The following USO1 variants were observed in gnomAD, a reference collection of about 807,000 sequenced individuals.
USO1 encodes general vesicular transport factor p115.
USO1 carries 57 observed loss-of-function variants against 124.5 expected under a neutral mutation model. That is an observed-to-expected ratio of 0.46 (90% CI 0.37 to 0.57). The LOEUF is 0.57. USO1 is among the 20% of genes least tolerant of loss of function. The pLI is 0.00. For missense variants in USO1, 900 were observed against 1,040.6 expected, an observed-to-expected ratio of 0.86 and a Z score of 1.86; for synonymous variants, 369 against 362.8, an observed-to-expected ratio of 1.02 and a Z score of -0.19.
At chr4:75,808,914 A>G in intron 20 of USO1, 39 bp from the exon 21 acceptor site, 1 of 1,537,672 alleles carries the variant, frequency 6.5e-7, no homozygotes, top group South Asian at 1.3e-5. Flanking sequence ...TGAATTTAAT[A>G]CCATTTAATG....
intron 9 of USO1, among the ~76,000 whole-genome samples, chr4:75,785,081 T>C (rs972515306): frequency 6.6e-6 from 1 of 152,238 alleles, no homozygotes; most frequent in Non-Finnish European, 1.5e-5. Context: ...CTTCTGCTAT[T>C]CTGTTAGAAC....
chr4:75,813,132 G>T, intron 23 of USO1, 74 bp from the exon 24 acceptor site: 1 of 1,467,874 alleles, frequency 6.8e-7, no homozygotes, highest in Non-Finnish European at 9.0e-7. Context: ...AAAATTATCA[G>T]TAGTATATAT....
At chr4:75,726,392 G>A (rs1373777799) in intron 1 of USO1, among the ~76,000 whole-genome samples, 1 of 150,730 alleles carries the variant, frequency 6.6e-6, no homozygotes, top group Non-Finnish European at 1.5e-5. Flanking sequence ...TCACTTTATT[G>A]CTCATGCCTG....
At chr4:75,779,985 T>C (rs1032762944) in intron 8 of USO1, among the ~76,000 whole-genome samples, 3 of 152,188 alleles carry the variant, frequency 2.0e-5, no homozygotes, top group African/African-American at 4.8e-5. Flanking sequence ...AAGCCAGTGC[T>C]CACTTACCAT....
At chr4:75,790,101 T>C (rs1184592843) in intron 10 of USO1, 49 bp from the exon 11 acceptor site, 4 of 1,480,220 alleles carry the variant, frequency 2.7e-6, no homozygotes, top group Non-Finnish European at 2.7e-6. Flanking sequence ...ATATTTTCCT[T>C]CTTGACTTAA....
chr4:75,784,616 A>G (rs1228154682), intron 9 of USO1, among the ~76,000 whole-genome samples: 1 of 152,066 alleles, frequency 6.6e-6, no homozygotes, highest in Non-Finnish European at 1.5e-5. Flanking sequence ...TAGGAGTTTG[A>G]GACCAACCTA....
chr4:75,771,093 T>C lies in USO1; in HGVS notation c.511T>C (p.Leu171=). 1 of 1,611,894 alleles carries C rather than the reference T, an allele frequency of 6.2e-7. No homozygotes were observed. Among genetic ancestry groups the C allele is most frequent in the Non-Finnish European group, 8.5e-7 (1 of 1,179,298 alleles). ...GTTGTATGTTCTAGGTGTTTCAAGATTGATGGACTTACTAGCGGATTCCAG... is the reference window on the plus strand; with the variant it reads ...GTTGTATGTTCTAGGTGTTTCAAGACTGATGGACTTACTAGCGGATTCCAG... The part of the protein sequence containing the change: ...ILVSPMGVSR[L]MDLLADSREV... The change falls in exon 7 of 24, where the codon TTG becomes CTG. Residue 171 remains leucine, a synonymous_variant. Coordinates refer to ENST00000514213, the MANE Select transcript of USO1 (RefSeq NM_003715.4).
intron 8 of USO1, 101 bp downstream of exon 8, chr4:75,774,897 A>T: frequency 1.4e-6 from 2 of 1,431,528 alleles, no homozygotes; most frequent in Non-Finnish European, 1.8e-6. Context: ...ACTCTTATTT[A>T]TACTCTTTGT....
chr4:75,753,034 A>G (rs1327735445), intron 3 of USO1, among the ~76,000 whole-genome samples: 2 of 149,644 alleles, frequency 1.3e-5, no homozygotes, highest in African/African-American at 5.0e-5. Context: ...ATTCATTTAC[A>G]TATAATATAC....
chr4:75,760,748 AGAG>A (rs1026987951), intron 4 of USO1: 3 of 387,760 alleles, frequency 7.7e-6, no homozygotes, highest in African/African-American at 6.2e-5. Flanking sequence ...CTTTAATTGA[AGAG>A]GAATATTTTA....
At chr4:75,755,832 C>T (rs1721425272) in intron 3 of USO1, among the ~76,000 whole-genome samples, 1 of 152,068 alleles carries the variant, frequency 6.6e-6, no homozygotes, top group Non-Finnish European at 1.5e-5. Context: ...AAGTTAAGGA[C>T]TTTGACCCTG....
intron 9 of USO1, among the ~76,000 whole-genome samples, chr4:75,785,212 A>G (rs1463764884): frequency 6.6e-6 from 1 of 152,214 alleles, no homozygotes; most frequent in Non-Finnish European, 1.5e-5. Context: ...CTGTGTTGGA[A>G]CTATTCATCA....
intron 9 of USO1, among the ~76,000 whole-genome samples, chr4:75,786,125 A>G (rs989353919): frequency 6.6e-6 from 1 of 152,158 alleles, no homozygotes; most frequent in Non-Finnish European, 1.5e-5. Context: ...TTCACCAACA[A>G]TAAAAAGTAC....
chr4:75,724,969 C>G, intron 1 of USO1, 84 bp downstream of exon 1: 4 of 1,479,026 alleles, frequency 2.7e-6, no homozygotes, highest in Non-Finnish European at 3.7e-6. Context: ...AAGGTCACCT[C>G]CAGCGTCCCA....
chr4:75,766,313 T>G (rs190654325), intron 4 of USO1, among the ~76,000 whole-genome samples: 1 of 152,274 alleles, frequency 6.6e-6, no homozygotes, highest in Admixed American at 6.5e-5. Context: ...AAAGGAAGAT[T>G]GTTAGGTTCT....
chr4:75,754,099 T>C (rs1312071468), intron 3 of USO1, among the ~76,000 whole-genome samples: 3 of 150,826 alleles, frequency 2.0e-5, no homozygotes, highest in Non-Finnish European at 3.0e-5. Context: ...TTTTTTTTTT[T>C]CAGATAGAGT....
At chr4:75,750,977 CT>C (rs1170312449) in intron 1 of USO1, among the ~76,000 whole-genome samples, 3 of 151,800 alleles carry the variant, frequency 2.0e-5, no homozygotes, top group Non-Finnish European at 2.9e-5. Context: ...TTATAACTTG[CT>C]TTTTTTCATC....
At chr4:75,790,868 T>G (rs2149181717) in intron 12 of USO1, 71 bp downstream of exon 12, 1 of 1,428,466 alleles carries the variant, frequency 7.0e-7, no homozygotes, top group East Asian at 2.6e-5. Flanking sequence ...ATTGATTCTT[T>G]CTTTTTATGC....
intron 8 of USO1, among the ~76,000 whole-genome samples, chr4:75,775,958 C>CA (rs1471953043): frequency 6.6e-6 from 1 of 151,832 alleles, no homozygotes; most frequent in African/African-American, 2.4e-5. Flanking sequence ...AAAGATGAGG[C>CA]AAAAAAACTG....
Sources: gnomAD v4.1 joint callset for allele counts (sites outside exome capture counted in the v4.1 genomes callset) on GRCh38, gnomAD v4.1.1 for gene constraint, MANE v1.5 for transcripts, NCBI Gene and HGNC (gene_info 2026-07-23, HGNC 2026-07-21) for gene names.